Variants in FAM167A observed in about 807,000 individuals in gnomAD.
FAM167A encodes family with sequence similarity 167 member A.
FAM167A carries 23 observed loss-of-function variants against 14.9 expected under a neutral mutation model. The observed-to-expected ratio is 1.55, with a 90% confidence interval of 1.11 to 2.19. The LOEUF (loss-of-function observed/expected upper bound fraction) is 2.19. FAM167A is among the 30% of genes most tolerant of loss of function. The probability of loss-of-function intolerance (pLI) is 0.00; values close to 1 mark genes in which losing one functional copy is unlikely to be tolerated. For missense variants in FAM167A, 401 were observed against 281.5 expected, an observed-to-expected ratio of 1.42 and a Z score of -3.04; for synonymous variants, 174 against 117.7, an observed-to-expected ratio of 1.48 and a Z score of -3.10.
Position 11,444,724 on chromosome 8 carries a change from C to G in FAM167A, c.-313G>C. On this transcript the variant is annotated 5_prime_UTR_variant, in exon 2 of 3. Coordinates refer to ENST00000284486, the MANE Select transcript of FAM167A (RefSeq NM_053279.3). Reference sequence around the variant, plus strand: ...CGGGGCAGCCTGTGCCAAGGTCTATCTGTCCTGAACGCACTCGAAGACCAG... The same window carrying G: ...CGGGGCAGCCTGTGCCAAGGTCTATGTGTCCTGAACGCACTCGAAGACCAG... The G allele has an allele frequency of 5.4e-6, 6 of 1,116,274 alleles. No homozygotes were observed. The highest frequency in any genetic ancestry group is 6.6e-6 in the Non-Finnish European group (6 of 912,954). The allele number at this position is 1,116,274 out of a possible 1,614,324, so 69.1% of individuals were successfully genotyped here.
intron 1 of FAM167A, among the ~76,000 whole-genome samples, chr8:11,473,632 G>A (rs1585291880): frequency 1.3e-5 from 2 of 152,246 alleles, no homozygotes; most frequent in Admixed American, 6.5e-5. Context: ...GGAAGTGTAC[G>A]CAGTGCAGGG....
chr8:11,468,903 G>T (rs1271514675), upstream of FAM167A, among the ~76,000 whole-genome samples: 3 of 152,242 alleles, frequency 2.0e-5, no homozygotes, highest in African/African-American at 4.8e-5. Context: ...GGGCAGGAGG[G>T]TAATCAGTGA....
rs1157733104 is a variant in FAM167A, at chr8:11,422,839, A to G, written c.*1534T>C. On this transcript the variant is annotated 3_prime_UTR_variant, in exon 3 of 3. Transcript: ENST00000284486. ...ACCATGGGACAGTGATTAGTGACAC[A>G]TGCCCTGTGGGGCCACTGTCAGTGC... is the stretch of plus-strand genomic sequence containing the variant. The G allele has an allele frequency of 1.3e-5, 2 of 152,604 alleles. No individual in the cohort carries two copies. The highest frequency in any genetic ancestry group is 4.8e-5 in the African/African-American group (2 of 41,448). The allele number at this position is 152,604 out of a possible 1,614,324, so 9.5% of individuals were successfully genotyped here.
intron 2 of FAM167A, chr8:11,438,458 C>T (rs1173727684): frequency 2.2e-6 from 1 of 457,294 alleles, no homozygotes; most frequent in East Asian, 6.9e-5. Flanking sequence ...TACAGAAGTA[C>T]AAGGTGAAGA....
intron 2 of FAM167A, chr8:11,438,035 C>T (rs986043713): frequency 1.3e-5 from 5 of 388,886 alleles, no homozygotes; most frequent in African/African-American, 2.1e-5. Flanking sequence ...TCTTCTCCTT[C>T]GAAGGGAAAC....
intron 2 of FAM167A, among the ~76,000 whole-genome samples, chr8:11,426,786 G>C (rs546267943): frequency 6.6e-5 from 10 of 152,240 alleles, no homozygotes; most frequent in South Asian, 6.2e-4. Context: ...CAATTTACAT[G>C]TTTGTTTAGG....
chr8:11,427,317 G>A (rs934750490), intron 2 of FAM167A, among the ~76,000 whole-genome samples: 4 of 152,180 alleles, frequency 2.6e-5, no homozygotes, highest in Non-Finnish European at 5.9e-5. Flanking sequence ...TTGTGACATG[G>A]TACATAGGGA....
intron 1 of FAM167A, among the ~76,000 whole-genome samples, chr8:11,460,747 G>A (rs1037719156): frequency 1.3e-5 from 2 of 152,080 alleles, no homozygotes; most frequent in African/African-American, 2.4e-5. Flanking sequence ...CGAAAGAACT[G>A]CCCCAGGTCC....
At position 11,421,504 on chromosome 8, in the gene FAM167A, G is replaced by C. The variant is rs1350195421; in HGVS notation, c.*2869C>G. 1 of 376,674 alleles carries C rather than the reference G, an allele frequency of 2.7e-6. No homozygotes were observed. Among genetic ancestry groups the C allele is most frequent in the African/African-American group, 2.1e-5 (1 of 48,090 alleles). The allele number at this position is 376,674 out of a possible 1,614,324, so 23.3% of individuals were successfully genotyped here. On this transcript the variant is annotated 3_prime_UTR_variant, in exon 3 of 3. Coordinates refer to ENST00000284486, the MANE Select transcript of FAM167A (RefSeq NM_053279.3). Reference sequence around the variant, plus strand: ...TATTTTTATATGGATATCTTCTTTTGAAGTATTTTTATTTCACTTTTTCTA... The same window carrying C: ...TATTTTTATATGGATATCTTCTTTTCAAGTATTTTTATTTCACTTTTTCTA...
chr8:11,470,217 C>T (rs561452751), upstream of FAM167A, among the ~76,000 whole-genome samples: 49 of 151,126 alleles, frequency 3.2e-4, no homozygotes, highest in Non-Finnish European at 5.6e-4. Flanking sequence ...AGAGTGTGCA[C>T]GTTTTCAGGC....
intron 2 of FAM167A, among the ~76,000 whole-genome samples, chr8:11,438,861 G>A (rs897536204): frequency 6.6e-6 from 1 of 152,204 alleles, no homozygotes; most frequent in Non-Finnish European, 1.5e-5. Context: ...TCCCCGCTCA[G>A]CCAGTGCCTC....
At chr8:11,466,329 C>T (rs975703398) in intron 1 of FAM167A, among the ~76,000 whole-genome samples, 1 of 152,202 alleles carries the variant, frequency 6.6e-6, no homozygotes, top group Non-Finnish European at 1.5e-5. Context: ...CGGCAGACCC[C>T]GAACCTCCAC....
At chr8:11,429,668 C>T (rs1411225978) in intron 2 of FAM167A, among the ~76,000 whole-genome samples, 1 of 152,208 alleles carries the variant, frequency 6.6e-6, no homozygotes, top group Non-Finnish European at 1.5e-5. Context: ...TGTCAGCACC[C>T]AGAGCTGGAA....
chr8:11,424,613 C>A lies in FAM167A; in HGVS notation c.405G>T (p.Gln135His). 6.2e-7 allele frequency: 1 copy of A among 1,613,936 alleles called. No individual in the cohort carries two copies. The highest frequency in any genetic ancestry group is 8.5e-7 in the Non-Finnish European group (1 of 1,179,976). Residue 135 changes from glutamine (Q) to histidine (H), a missense_variant, in exon 3 of 3, where the codon CAG (glutamine) becomes CAT (histidine). Coordinates refer to ENST00000284486, the MANE Select transcript of FAM167A (RefSeq NM_053279.3). ...KELTEMRLQDQQLARQLMRLR... is the reference protein window; with the variant it reads ...KELTEMRLQDHQLARQLMRLR... ...GGCGCATGAGCTGTCTGGCCAGTTG[C>A]TGGTCCTGCAGCCGCATCTCCGTCT...
intron 1 of FAM167A, chr8:11,445,176 C>A (rs756753623): frequency 5.1e-6 from 5 of 985,104 alleles, no homozygotes; most frequent in Non-Finnish European, 6.0e-6. Context: ...GTTGTGGGGA[C>A]AAGCTCAGGC....
chr8:11,445,649 A>G, intron 1 of FAM167A: 1 of 976,034 alleles, frequency 1.0e-6, no homozygotes, highest in Non-Finnish European at 1.2e-6. Flanking sequence ...CCCAGCTCCT[A>G]CCCCATAACA....
intron 1 of FAM167A, among the ~76,000 whole-genome samples, chr8:11,462,691 G>C (rs151120970): frequency 1.3e-5 from 2 of 152,242 alleles, no homozygotes; most frequent in East Asian, 3.9e-4. Context: ...ATGGTGGGCT[G>C]TTCTGTGTGG....
intron 2 of FAM167A, chr8:11,443,576 T>C (rs1278334334): frequency 2.3e-5 from 4 of 173,664 alleles, no homozygotes; most frequent in Admixed American, 1.1e-4. Context: ...CTGTGCCCCA[T>C]GGAGCCACCC....
intron 2 of FAM167A, among the ~76,000 whole-genome samples, chr8:11,429,000 A>G (rs1007620186): frequency 1.3e-5 from 2 of 152,186 alleles, no homozygotes; most frequent in Non-Finnish European, 2.9e-5. Context: ...CATCTTAACC[A>G]TTTTTAAGTG....
Sources: gnomAD v4.1 joint callset for allele counts (sites outside exome capture counted in the v4.1 genomes callset) on GRCh38, gnomAD v4.1.1 for gene constraint, MANE v1.5 for transcripts, NCBI Gene and HGNC (gene_info 2026-07-23, HGNC 2026-07-21) for gene names.